Variants in TEX14 observed in about 807,000 individuals in gnomAD.
TEX14 encodes the protein inactive serine/threonine-protein kinase TEX14.
In TEX14, 168 loss-of-function variants were observed where a neutral mutation model predicts 178.6. The ratio of observed to expected loss-of-function variants is 0.94; its 90% CI spans 0.83 to 1.07. The LOEUF is 1.07. Among genes scored for constraint, TEX14 ranks in the 50% least tolerant of loss-of-function variants. The probability of loss-of-function intolerance (pLI) is 0.00; values close to 1 mark genes in which losing one functional copy is unlikely to be tolerated. For synonymous variants in TEX14, 626 were observed against 634.1 expected, an observed-to-expected ratio of 0.99 and a Z score of 0.19; for missense variants, 1,730 against 1,753.6, an observed-to-expected ratio of 0.99 and a Z score of 0.24.
chr17:58,637,069 A>G (rs937594789), intron 2 of TEX14, among the ~76,000 whole-genome samples: 1 of 151,840 alleles, frequency 6.6e-6, no homozygotes, highest in East Asian at 1.9e-4. Flanking sequence ...TCTACTAAAA[A>G]TACGAAAATT....
intron 19 of TEX14, chr17:58,581,803 T>C (rs2044828538): frequency 1.3e-6 from 2 of 1,545,946 alleles, no homozygotes; most frequent in Non-Finnish European, 1.8e-6. Flanking sequence ...TTGGATGCAG[T>C]GTTAACAACG....
At chr17:58,672,017 CAG>C (rs903073821) in intron 1 of TEX14, among the ~76,000 whole-genome samples, 39 of 152,214 alleles carry the variant, frequency 2.6e-4, no homozygotes, top group African/African-American at 8.4e-4. Context: ...CCACGGATAA[CAG>C]GGGGTGGGTG....
intron 13 of TEX14, among the ~76,000 whole-genome samples, 182 bp from the exon 14 acceptor site, chr17:58,599,848 C>T (rs1360352518): frequency 1.3e-5 from 2 of 152,054 alleles, no homozygotes; most frequent in African/African-American, 4.8e-5. Context: ...GAGTATGTGT[C>T]CCCTAGGGGA....
At chr17:58,684,195 C>T (rs1314117978) in intron 1 of TEX14, among the ~76,000 whole-genome samples, 1 of 149,696 alleles carries the variant, frequency 6.7e-6, no homozygotes, top group Admixed American at 6.7e-5. Context: ...TGGTGACTCA[C>T]GTGAGCCTAT....
Position 58,613,469 on chromosome 17 carries a change from C to T in TEX14, c.957G>A (p.Val319=). The change falls in exon 9 of 32, where the codon GTG becomes GTA. Residue 319 remains valine (V), a synonymous_variant. Coordinates refer to ENST00000349033, the MANE Select transcript of TEX14 (RefSeq NM_031272.5). ...LSQDLEKTRL[V]YERITIGTLF... ...ATGTGCCGATAGTGATGCGCTCGTACACAAGGCGGGTTTTCTCTAGGTCCT... is the reference window on the plus strand; with the variant it reads ...ATGTGCCGATAGTGATGCGCTCGTATACAAGGCGGGTTTTCTCTAGGTCCT... 1 of 1,614,114 alleles carries T rather than the reference C, an allele frequency of 6.2e-7. No homozygotes were observed. Among genetic ancestry groups the T allele is most frequent in the Non-Finnish European group, 8.5e-7 (1 of 1,180,010 alleles).
chr17:58,619,239 TCAAA>T (rs933041027), intron 5 of TEX14, among the ~76,000 whole-genome samples: 1 of 152,120 alleles, frequency 6.6e-6, no homozygotes, highest in Non-Finnish European at 1.5e-5. Flanking sequence ...CCGAGTGTTC[TCAAA>T]CAGTGACCTG....
At chr17:58,630,863 A>G (rs1049012437) in intron 2 of TEX14, among the ~76,000 whole-genome samples, 1 of 152,282 alleles carries the variant, frequency 6.6e-6, no homozygotes, top group African/African-American at 2.4e-5. Context: ...GGGACTAAAG[A>G]TACTCTGTGT....
intron 14 of TEX14, among the ~76,000 whole-genome samples, chr17:58,594,017 T>G (rs1433252295): frequency 6.6e-6 from 1 of 152,116 alleles, no homozygotes; most frequent in Non-Finnish European, 1.5e-5. Context: ...GTATTGTTAG[T>G]AGAGACAGGG....
intron 1 of TEX14, among the ~76,000 whole-genome samples, chr17:58,655,562 C>T (rs1211270153): frequency 3.3e-5 from 5 of 152,064 alleles, no homozygotes; most frequent in Non-Finnish European, 5.9e-5. Context: ...TCAGGTGATC[C>T]GCCTGCCTTG....
intron 15 of TEX14, among the ~76,000 whole-genome samples, chr17:58,589,676 T>C (rs947422915): frequency 6.8e-6 from 1 of 146,826 alleles, no homozygotes. Flanking sequence ...TCAGAGAGGG[T>C]AGATCTGATC....
At chr17:58,621,816 G>A (rs376796314) in intron 4 of TEX14, 30 bp from the exon 5 acceptor site, 32 of 1,596,178 alleles carry the variant, frequency 2.0e-5, no homozygotes, top group Middle Eastern at 1.7e-4. Context: ...TGCCCAGTGC[G>A]GGCGCACCAG....
At position 58,574,203 on chromosome 17, in the gene TEX14, G is replaced by A; in HGVS notation, c.3367C>T (p.Leu1123=). 1 of 1,613,534 alleles carries A rather than the reference G, an allele frequency of 6.2e-7. No homozygotes were observed. Among genetic ancestry groups the A allele is most frequent in the Non-Finnish European group, 8.5e-7 (1 of 1,179,536 alleles). The part of the protein sequence containing the change: ...EETSKESPKE[L]KEKDISLTDI... ...TGATCATACATGTCTTTCTCTTTCAGTTCCTTTGGTGACTCCTTTGATGTC... is the reference window on the plus strand; with the variant it reads ...TGATCATACATGTCTTTCTCTTTCAATTCCTTTGGTGACTCCTTTGATGTC... Residue 1123 remains leucine (L), a synonymous_variant, in exon 22 of 32, where the codon CTG becomes TTG. Transcript: ENST00000349033.
intron 9 of TEX14, 93 bp downstream of exon 9, chr17:58,613,328 G>T: frequency 6.8e-7 from 1 of 1,480,060 alleles, no homozygotes; most frequent in Non-Finnish European, 9.3e-7. Flanking sequence ...TTCCATGCAT[G>T]CAGAAATGGG....
Position 58,571,235 on chromosome 17 carries a change from C to CTTTT in TEX14, c.3717+682_3717+685dup, listed in dbSNP as rs11456555. 3.1e-5 allele frequency among the ~76,000 whole-genome samples: 4 copies of CTTTT among 127,260 alleles called. 1 individual carries two copies. The highest frequency in any genetic ancestry group is 3.2e-5 in the Non-Finnish European group (2 of 62,496). The allele number at this position is 127,260 out of a possible 152,430, so 83.5% of individuals were successfully genotyped here. ...ATAAAGGAACTTGTACTTTTCTTTT[C>CTTTT]TTTTTTTTTTTTTTTTTGGAGACAG... is the stretch of plus-strand genomic sequence containing the variant. On this transcript the variant is annotated intron_variant, in intron 24 of 31. Coordinates refer to ENST00000349033, the MANE Select transcript of TEX14 (RefSeq NM_031272.5).
intron 13 of TEX14, among the ~76,000 whole-genome samples, chr17:58,600,287 G>A (rs1257252806): frequency 3.3e-5 from 5 of 152,176 alleles, no homozygotes; most frequent in Admixed American, 3.3e-4. Flanking sequence ...ACTTTGGGAG[G>A]CCAGGGCGGG....
rs2045574725 is a variant in TEX14, at chr17:58,605,090, G to A, written c.1224C>T (p.Pro408=). 2 of 1,614,152 alleles carry A rather than the reference G, an allele frequency of 1.2e-6. No individual in the cohort carries two copies. The highest frequency in any genetic ancestry group is 1.1e-5 in the South Asian group (1 of 91,084). The change falls in exon 11 of 32, where the codon CCC becomes CCT. Residue 408 remains proline, a synonymous_variant. Transcript: ENST00000349033. ...RGVQRDLTRV[P]LPTQLYNWAA... The stretch of plus-strand genomic sequence containing the variant: ...CCCAGTTGTATAGCTGCGTAGGAAG[G>A]GGCACTCGAGTCAGGTCCCTCTGTA...
intron 2 of TEX14, among the ~76,000 whole-genome samples, chr17:58,638,854 CTTTTTTTTTTT>C (rs1210311633): frequency 8.0e-5 from 6 of 75,110 alleles, no homozygotes; most frequent in African/African-American, 1.8e-4. Flanking sequence ...GACTATTATT[CTTTTTTTTTTT>C]TTTTTTTTTT....
chr17:58,656,484 A>C (rs762620586), intron 1 of TEX14, among the ~76,000 whole-genome samples: 1 of 151,858 alleles, frequency 6.6e-6, no homozygotes, highest in Admixed American at 6.6e-5. Flanking sequence ...GGCTGGGCAC[A>C]GTGGCTCATG....
intron 14 of TEX14, among the ~76,000 whole-genome samples, chr17:58,597,279 G>C (rs568964899): frequency 2.2e-4 from 34 of 152,066 alleles, no homozygotes; most frequent in Admixed American, 1.8e-3. Flanking sequence ...CGTGACTGTA[G>C]TCCCAGCTAC....
Sources: allele counts gnomAD v4.1 joint callset (sites outside exome capture counted in the v4.1 genomes callset), GRCh38; gene constraint gnomAD v4.1.1; transcripts MANE v1.5; gene names NCBI Gene and HGNC (gene_info 2026-07-23, HGNC 2026-07-21).